Variants in NCAM2 observed in about 807,000 individuals in gnomAD.
NCAM2 encodes N-CAM-2.
A neutral mutation model predicts 98.1 loss-of-function variants in NCAM2; 30 were observed. The observed-to-expected ratio is 0.31, with a 90% CI of 0.23 to 0.41. The LOEUF (loss-of-function observed/expected upper bound fraction) is 0.41, where lower values mean the gene tolerates loss of function less well. Ranked by LOEUF, NCAM2 falls within the 10% of genes least tolerant of loss-of-function variation. The probability of loss-of-function intolerance (pLI) is 1.00; values close to 1 mark genes in which losing one functional copy is unlikely to be tolerated. For missense variants in NCAM2, 867 were observed against 1,005.8 expected, an observed-to-expected ratio of 0.86 and a Z score of 1.87; for synonymous variants, 368 against 342.4, an observed-to-expected ratio of 1.07 and a Z score of -0.83.
At chr21:21,383,583 T>C (rs1346167567) in intron 9 of NCAM2, among the ~76,000 whole-genome samples, 1 of 152,166 alleles carries the variant, frequency 6.6e-6, no homozygotes, top group East Asian at 1.9e-4. Context: ...TTGAGAACCC[T>C]TGGATAGTTG....
intron 14 of NCAM2, among the ~76,000 whole-genome samples, chr21:21,474,031 T>C (rs1984830259): frequency 6.6e-6 from 1 of 152,058 alleles, no homozygotes; most frequent in South Asian, 2.1e-4. Flanking sequence ...ATCATCTCAT[T>C]AAGTTACCTA....
intron 15 of NCAM2, among the ~76,000 whole-genome samples, chr21:21,502,568 T>G (rs890826264): frequency 6.6e-6 from 1 of 152,064 alleles, no homozygotes; most frequent in East Asian, 1.9e-4. Flanking sequence ...GCTATAGACT[T>G]AGGCCAAAAT....
chr21:21,277,082 C>A (rs1246580748), intron 1 of NCAM2, among the ~76,000 whole-genome samples: 1 of 152,040 alleles, frequency 6.6e-6, no homozygotes, highest in Non-Finnish European at 1.5e-5. Context: ...CAAATTTACT[C>A]CTAAGGTCAG....
At chr21:21,266,174 A>T (rs891963002) in intron 1 of NCAM2, among the ~76,000 whole-genome samples, 3 of 151,924 alleles carry the variant, frequency 2.0e-5, no homozygotes, top group Non-Finnish European at 4.4e-5. Context: ...AAAATAATTA[A>T]CTCCTTTTCT....
chr21:21,274,190 CACTT>C (rs2072636144), intron 1 of NCAM2, among the ~76,000 whole-genome samples: 1 of 150,972 alleles, frequency 6.6e-6, no homozygotes, highest in Admixed American at 6.6e-5. Context: ...AAATTTTAAT[CACTT>C]AGCCCTAGAA....
intron 12 of NCAM2, among the ~76,000 whole-genome samples, chr21:21,456,176 G>T (rs952964827): frequency 3.3e-5 from 5 of 152,050 alleles, no homozygotes; most frequent in Admixed American, 6.6e-5. Flanking sequence ...AAATTTGACT[G>T]GGAATCTTGA....
chr21:21,522,257 C>T lies in NCAM2; in HGVS notation c.2283-12280C>T, dbSNP rs907502934. Among the ~76,000 whole-genome samples the T allele has an allele frequency of 4.2e-4, 52 of 125,252 alleles. 1 individual carries two copies. In the East Asian group the frequency reaches 0.011, roughly 26 times the overall value. The allele number at this position is 125,252 out of a possible 152,430, so 82.2% of individuals were successfully genotyped here. A position where few individuals can be genotyped will look rare whatever the true frequency, so the allele number is the denominator to read the frequency against. ...TTATGAAGATGAATATATATGAATA[C>T]TATATTTATATATAAATATGATTAT... is the stretch of plus-strand genomic sequence containing the variant. On this transcript the variant is annotated intron_variant, in intron 16 of 17. Coordinates refer to ENST00000400546, the MANE Select transcript of NCAM2 (RefSeq NM_004540.5).
intron 15 of NCAM2, among the ~76,000 whole-genome samples, chr21:21,494,603 G>A (rs1987083701): frequency 6.6e-6 from 1 of 151,114 alleles, no homozygotes; most frequent in Admixed American, 6.6e-5. Context: ...AAAGTTTAGA[G>A]TTAGTAAGAT....
chr21:21,336,952 C>G (rs1170643426), intron 7 of NCAM2, among the ~76,000 whole-genome samples: 1 of 152,044 alleles, frequency 6.6e-6, no homozygotes, highest in Non-Finnish European at 1.5e-5. Context: ...CAGAAGTAGG[C>G]CAAGCTAAGA....
chr21:21,036,759 G>A (rs957764068), intron 1 of NCAM2, among the ~76,000 whole-genome samples: 5 of 152,148 alleles, frequency 3.3e-5, no homozygotes, highest in African/African-American at 1.2e-4. Flanking sequence ...ATCACATGAA[G>A]CAAAGGCTTG....
chr21:21,179,238 A>G (rs1205870408), intron 1 of NCAM2, among the ~76,000 whole-genome samples: 2 of 152,112 alleles, frequency 1.3e-5, no homozygotes, highest in African/African-American at 4.8e-5. Context: ...AATAATTACC[A>G]GCTTTATCCT....
intron 1 of NCAM2, among the ~76,000 whole-genome samples, chr21:21,034,493 G>A (rs1333888103): frequency 6.6e-6 from 1 of 152,128 alleles, no homozygotes; most frequent in East Asian, 1.9e-4. Context: ...CTCAGTTTCT[G>A]TAGTGATTTC....
intron 1 of NCAM2, among the ~76,000 whole-genome samples, chr21:21,047,945 G>A (rs1345034473): frequency 6.6e-6 from 1 of 152,064 alleles, no homozygotes; most frequent in Non-Finnish European, 1.5e-5. Flanking sequence ...GGTATAACCA[G>A]GAAGAAATCA....
intron 15 of NCAM2, among the ~76,000 whole-genome samples, chr21:21,495,153 A>C (rs1987132350): frequency 6.6e-6 from 1 of 151,332 alleles, no homozygotes; most frequent in South Asian, 2.1e-4. Flanking sequence ...ATTCCATTCC[A>C]AATAAATATA....
chr21:21,242,771 G>GTGAA (rs2071113562), intron 1 of NCAM2, among the ~76,000 whole-genome samples: 1 of 152,084 alleles, frequency 6.6e-6, no homozygotes. Context: ...CTTAACTAAT[G>GTGAA]TGAATCATAC....
intron 1 of NCAM2, among the ~76,000 whole-genome samples, chr21:21,168,696 T>G: frequency 6.6e-6 from 1 of 151,472 alleles, no homozygotes; most frequent in East Asian, 1.9e-4. Context: ...ATTACTATAT[T>G]AATACTTTCC....
intron 1 of NCAM2, among the ~76,000 whole-genome samples, chr21:21,246,301 G>A (rs1270230049): frequency 6.6e-6 from 1 of 151,948 alleles, no homozygotes; most frequent in Non-Finnish European, 1.5e-5. Context: ...AAACCACTCA[G>A]CTAAGCCACT....
At chr21:21,039,845 C>T (rs917512565) in intron 1 of NCAM2, among the ~76,000 whole-genome samples, 2 of 152,148 alleles carry the variant, frequency 1.3e-5, no homozygotes, top group Admixed American at 6.5e-5. Context: ...AATCCTCAGT[C>T]AACATCATAA....
At chr21:21,410,613 C>T (rs2145914401) in intron 10 of NCAM2, 152 bp downstream of exon 10, 1 of 428,682 alleles carries the variant, frequency 2.3e-6, no homozygotes, top group Admixed American at 4.5e-5. Context: ...CTTAAAGGTC[C>T]ATGGCTCATT....
Sources: gnomAD v4.1 joint callset for allele counts (sites outside exome capture counted in the v4.1 genomes callset) on GRCh38, gnomAD v4.1.1 for gene constraint, MANE v1.5 for transcripts, NCBI Gene and HGNC (gene_info 2026-07-23, HGNC 2026-07-21) for gene names.